Variants in BTBD9 observed in about 807,000 individuals in gnomAD.
The protein encoded by BTBD9 is BTB domain containing 9, also known as BTB/POZ domain-containing protein 9.
BTBD9 carries 49 observed loss-of-function variants against 64.3 expected under a neutral mutation model. The ratio of observed to expected loss-of-function variants is 0.76; its 90% CI spans 0.61 to 0.97. The LOEUF (loss-of-function observed/expected upper bound fraction) is 0.97. BTBD9 is among the 50% of genes least tolerant of loss of function. BTBD9 has a pLI of 0.00. For missense variants in BTBD9, 598 were observed against 762.1 expected (o/e 0.78, Z 2.53); for synonymous variants, 260 against 274.7 (o/e 0.95, Z 0.53).
intron 6 of BTBD9, among the ~76,000 whole-genome samples, chr6:38,448,554 G>A (rs974731763): frequency 6.6e-6 from 1 of 152,042 alleles, no homozygotes; most frequent in African/African-American, 2.4e-5. Context: ...CTTTGTCTCT[G>A]CACTCCAAGC....
intron 6 of BTBD9, among the ~76,000 whole-genome samples, chr6:38,399,006 T>C (rs532316494): frequency 2.6e-5 from 4 of 152,310 alleles, no homozygotes; most frequent in African/African-American, 9.6e-5. Context: ...TTAAAATAAA[T>C]GGTGTTCAGG....
chr6:38,183,686 C>G (rs1168994473), intron 10 of BTBD9, among the ~76,000 whole-genome samples: 1 of 152,212 alleles, frequency 6.6e-6, no homozygotes, highest in African/African-American at 2.4e-5. Flanking sequence ...CTGCCTCTCC[C>G]CCAGCCTATA....
At chr6:38,470,040 C>A (rs1025386350) in intron 6 of BTBD9, among the ~76,000 whole-genome samples, 25 of 152,146 alleles carry the variant, frequency 1.6e-4, no homozygotes, top group African/African-American at 5.6e-4. Flanking sequence ...CAGACTGATC[C>A]TCCTAACACC....
intron 7 of BTBD9, among the ~76,000 whole-genome samples, chr6:38,304,919 A>T (rs9470856): frequency 0.72 from 108,870 of 152,022 alleles, 39,607 homozygotes; most frequent in African/African-American, 0.85. Context: ...AATCAGTACT[A>T]CAATCTGATC....
At chr6:38,534,318 T>C (rs890540066) in intron 6 of BTBD9, among the ~76,000 whole-genome samples, 4 of 151,802 alleles carry the variant, frequency 2.6e-5, no homozygotes, top group Non-Finnish European at 4.4e-5. Flanking sequence ...GATTGAACCA[T>C]GAAGAAATCC....
chr6:38,200,410 A>G (rs1192009186), intron 9 of BTBD9, among the ~76,000 whole-genome samples: 2 of 152,360 alleles, frequency 1.3e-5, no homozygotes, highest in South Asian at 4.1e-4. Context: ...GGAAAGAAAC[A>G]ATAAAGATTA....
chr6:38,552,558 A>C (rs980217442), intron 6 of BTBD9, among the ~76,000 whole-genome samples: 1 of 151,986 alleles, frequency 6.6e-6, no homozygotes, highest in Non-Finnish European at 1.5e-5. Flanking sequence ...CCTGACGTCA[A>C]GAGTTCGAGA....
Position 38,168,891 on chromosome 6 carries a change from T to A in BTBD9, c.*6094A>T, listed in dbSNP as rs1301612212. 6.6e-6 allele frequency: 1 copy of A among 152,302 alleles called. No individual in the cohort carries two copies. The highest frequency in any genetic ancestry group is 1.9e-4 in the East Asian group (1 of 5,184). The allele number at this position is 152,302 out of a possible 1,614,324, so 9.4% of individuals were successfully genotyped here. A position where few individuals can be genotyped will look rare whatever the true frequency, so the allele number is the denominator to read the frequency against. On this transcript the variant is annotated 3_prime_UTR_variant, in exon 11 of 11. Coordinates refer to ENST00000481247, the MANE Select transcript of BTBD9 (RefSeq NM_001099272.2). ...CTGGCGCCCCTCCAGAGTCTCACGC[T>A]TCTCCAGGCACTGGGGGGTGGGGAA...
rs1765264457 is a variant in BTBD9, at chr6:38,368,255, TC to T, written c.1155-23163del. 2.6e-5 allele frequency among the ~76,000 whole-genome samples: 4 copies of T among 152,162 alleles called. No individual in the cohort carries two copies. The South Asian group carries it at 8.3e-4, about 32-fold the overall frequency. On this transcript the variant is annotated intron_variant, in intron 6 of 10. Transcript: ENST00000481247. The stretch of plus-strand genomic sequence containing the variant: ...TACATAAAAAAGAGGGAGACTTTTT[TC>T]CCCCAAAACCAATTTCCATCCCTTT...
chr6:38,619,838 CT>C (rs1562430372), intron 1 of BTBD9, among the ~76,000 whole-genome samples: 2 of 152,192 alleles, frequency 1.3e-5, no homozygotes, highest in African/African-American at 4.8e-5. Context: ...AGACTTTGCT[CT>C]TTTCACATGC....
At chr6:38,230,969 C>A (rs1763585793) in intron 9 of BTBD9, among the ~76,000 whole-genome samples, 1 of 152,162 alleles carries the variant, frequency 6.6e-6, no homozygotes, top group Non-Finnish European at 1.5e-5. Context: ...TTATTTCCCC[C>A]TACTAGGATG....
At chr6:38,277,127 A>G (rs1761298933) in intron 8 of BTBD9, among the ~76,000 whole-genome samples, 1 of 152,144 alleles carries the variant, frequency 6.6e-6, no homozygotes, top group African/African-American at 2.4e-5. Context: ...TGCCTCCCAA[A>G]TTTCATCGTG....
intron 9 of BTBD9, among the ~76,000 whole-genome samples, chr6:38,208,623 C>T (rs1762734004): frequency 6.6e-6 from 1 of 152,178 alleles, no homozygotes; most frequent in South Asian, 2.1e-4. Context: ...GCTTCCTTGG[C>T]CCCAGATCTC....
rs62396377 is a variant in BTBD9, at chr6:38,627,985, C to T, written c.-28+11815G>A. Among the ~76,000 whole-genome samples, 1,372 of 152,274 alleles carry T rather than the reference C, an allele frequency of 9.0e-3. 10 individuals are homozygous for T. Among genetic ancestry groups the T allele is most frequent in the Non-Finnish European group, 0.015 (995 of 68,034 alleles). ...AATTGAAGCTCTGCCTATCATATGA[C>T]TAAGCAATTCTATTCCATATATCCT... On this transcript the variant is annotated intron_variant, in intron 1 of 10. Coordinates refer to ENST00000481247, the MANE Select transcript of BTBD9 (RefSeq NM_001099272.2).
At position 38,171,570 on chromosome 6, in the gene BTBD9, G is replaced by C. The variant is rs1367770526; in HGVS notation, c.*3415C>G. On this transcript the variant is annotated 3_prime_UTR_variant, in exon 11 of 11. Transcript: ENST00000481247. ...TGGTAAAACGGGTGTGTGTGTGTGTGTGTGTGTGTGTGTGTGTGTGTGTGT... is the reference window on the plus strand; with the variant it reads ...TGGTAAAACGGGTGTGTGTGTGTGTCTGTGTGTGTGTGTGTGTGTGTGTGT... The C allele has an allele frequency of 2.2e-4, 5 of 22,670 alleles. No individual in the cohort carries two copies. The highest frequency in any genetic ancestry group is 5.1e-4 in the African/African-American group (5 of 9,838). The allele number at this position is 22,670 out of a possible 1,614,324, so 1.4% of individuals were successfully genotyped here.
chr6:38,531,116 A>T (rs1773781217), intron 6 of BTBD9, among the ~76,000 whole-genome samples: 1 of 152,180 alleles, frequency 6.6e-6, no homozygotes, highest in South Asian at 2.1e-4. Context: ...AAGTACAAGA[A>T]GGCTATAGAA....
chr6:38,511,733 A>C lies in BTBD9; in HGVS notation c.1154+65867T>G, dbSNP rs540167077. On this transcript the variant is annotated intron_variant, in intron 6 of 10. Coordinates refer to ENST00000481247, the MANE Select transcript of BTBD9 (RefSeq NM_001099272.2). The stretch of plus-strand genomic sequence containing the variant: ...GCAATTCAAAGAATGAGGGGAAACC[A>C]TATATTTGGGTCATTTTTCTCACAG... Among the ~76,000 whole-genome samples the C allele has an allele frequency of 2.0e-5, 3 of 152,252 alleles. No homozygotes were observed. The South Asian group carries it at 6.2e-4, about 32-fold the overall frequency.
rs1313014770 is a variant in BTBD9 at position 38,184,421 on chromosome 6, C to T, written c.1641+8098G>A. Among the ~76,000 whole-genome samples, 1 of 152,238 alleles carries T rather than the reference C, an allele frequency of 6.6e-6. No individual in the cohort carries two copies. Among genetic ancestry groups the T allele is most frequent in the Non-Finnish European group, 1.5e-5 (1 of 68,038 alleles). On this transcript the variant is annotated intron_variant, in intron 10 of 10. Coordinates refer to ENST00000481247, the MANE Select transcript of BTBD9 (RefSeq NM_001099272.2). The surrounding 1 kb of genome is among the most constrained non-coding windows in gnomAD (Gnocchi z 4.4). The stretch of plus-strand genomic sequence containing the variant: ...GGTTTTCTTTGTGGGCATCCATTTC[C>T]AGTTGCTGGAACATGAAGCCCCTGG...
intron 6 of BTBD9, among the ~76,000 whole-genome samples, chr6:38,569,946 C>T (rs1775688175): frequency 6.6e-6 from 1 of 151,260 alleles, no homozygotes; most frequent in African/African-American, 2.4e-5. Flanking sequence ...TGTTTCTAAA[C>T]ACAGTTTAAT....
Sources: gnomAD v4.1 joint callset for allele counts (sites outside exome capture counted in the v4.1 genomes callset) on GRCh38, gnomAD v4.1.1 for gene constraint, Gnocchi (gnomAD v3.1) non-coding constraint, MANE v1.5 for transcripts, NCBI Gene and HGNC (gene_info 2026-07-23, HGNC 2026-07-21) for gene names.